Variants in AHSA1 observed in about 807,000 individuals in gnomAD.
AHSA1 encodes the protein activator of 90 kDa heat shock protein ATPase homolog 1.
A neutral mutation model predicts 46.1 loss-of-function variants in AHSA1; 14 were observed. The observed-to-expected ratio is 0.30, with a 90% CI of 0.20 to 0.47. The LOEUF is 0.47. Among genes scored for constraint, AHSA1 ranks in the 20% least tolerant of loss-of-function variants. The probability of loss-of-function intolerance (pLI) is 0.99; values close to 1 mark genes in which losing one functional copy is unlikely to be tolerated. For synonymous variants in AHSA1, 147 were observed against 145.8 expected, an observed-to-expected ratio of 1.01 and a Z score of -0.06; for missense variants, 333 against 415.9, an observed-to-expected ratio of 0.80 and a Z score of 1.73.
intron 8 of AHSA1, 195 bp downstream of exon 8, chr14:77,468,703 C>T (rs1167547753): frequency 2.8e-5 from 14 of 502,938 alleles, no homozygotes; most frequent in Non-Finnish European, 4.2e-5. Context: ...GCTGAGACTA[C>T]GTGTGCCACC....
At position 77,468,175 on chromosome 14, in the gene AHSA1, T is replaced by C. The variant is rs1404061928; in HGVS notation, c.783T>C (p.Phe261=). 6.4e-7 allele frequency: 1 copy of C among 1,557,526 alleles called. No individual in the cohort carries two copies. Among genetic ancestry groups the C allele is most frequent in the Admixed American group, 1.9e-5 (1 of 51,622 alleles). Residue 261 remains phenylalanine (F), a synonymous_variant, in exon 7 of 9, where the codon TTT becomes TTC. Transcript: ENST00000216479. ...TAGATGGCAACGTCTCTGGGGAATT[T>C]ACTGATCTGGTGAGTACCTGCCGGC... ...HMVDGNVSGE[F]TDLVPEKHIV... is the part of the protein sequence containing the mutation.
At chr14:77,467,108 T>A (rs12433521) in intron 6 of AHSA1, among the ~76,000 whole-genome samples, 1 of 152,084 alleles carries the variant, frequency 6.6e-6, no homozygotes, top group Non-Finnish European at 1.5e-5. Flanking sequence ...ATTTCATATA[T>A]ATGGAGTAGG....
rs773468814 is a variant in AHSA1, at chr14:77,458,295, C to A, written c.80+26C>A. 3.2e-6 allele frequency: 5 copies of A among 1,539,232 alleles called. No homozygotes were observed. In the East Asian group the frequency reaches 1.3e-4, roughly 39 times the overall value. ...GTGAGGGCCAGAAAAGCAGGCCGGC[C>A]TTGGGAGACCTGCGGCCGGGCCAGG... On this transcript the variant is annotated intron_variant, in intron 1 of 8. Coordinates refer to ENST00000216479, the MANE Select transcript of AHSA1 (RefSeq NM_012111.3).
chr14:77,464,769 T>G, intron 5 of AHSA1, 83 bp downstream of exon 5: 1 of 1,265,954 alleles, frequency 7.9e-7, no homozygotes, highest in South Asian at 1.4e-5. Context: ...CAGCTCTCTG[T>G]GTCCCTAACC....
chr14:77,464,715 GTC>G, intron 5 of AHSA1, 29 bp downstream of exon 5: 6 of 1,593,508 alleles, frequency 3.8e-6, no homozygotes, highest in Non-Finnish European at 5.1e-6. Flanking sequence ...GTGGGAGACT[GTC>G]TGCAAAGGAA....
chr14:77,464,574 T>G, intron 4 of AHSA1, 24 bp from the exon 5 acceptor site: 769 of 1,591,106 alleles, frequency 4.8e-4, no homozygotes, highest in Non-Finnish European at 5.9e-4. Context: ...GTAACTTCCA[T>G]GAGCTGGAAT....
chr14:77,460,389 G>A (rs961338536), intron 2 of AHSA1, among the ~76,000 whole-genome samples: 1 of 151,380 alleles, frequency 6.6e-6, no homozygotes, highest in African/African-American at 2.4e-5. Flanking sequence ...GATAGCTACT[G>A]TCTGTGTATG....
chr14:77,462,360 G>C lies in AHSA1; in HGVS notation c.354+118G>C. On this transcript the variant is annotated intron_variant, in intron 3 of 8. Transcript: ENST00000216479. ...CTTGGTCCAAGCATTCAGAACCCTAGCCTGCAGATAATTTTCTAGGCATAT... is the reference window on the plus strand; with the variant it reads ...CTTGGTCCAAGCATTCAGAACCCTACCCTGCAGATAATTTTCTAGGCATAT... 3 of 1,002,324 alleles carry C rather than the reference G, an allele frequency of 3.0e-6. No homozygotes were observed. The South Asian group carries it at 4.7e-5, about 16-fold the overall frequency. 62.1% of individuals were successfully genotyped at this position (1,002,324 alleles called of 1,614,324 possible). A position where few individuals can be genotyped will look rare whatever the true frequency, so the allele number is the denominator to read the frequency against.
In AHSA1 at chr14:77,469,356, C is replaced by T. The variant is rs989454867; in HGVS notation, c.*107C>T. The T allele has an allele frequency of 3.5e-6, 5 of 1,423,640 alleles. No individual in the cohort carries two copies. Among genetic ancestry groups the T allele is most frequent in the Admixed American group, 4.4e-5 (2 of 45,108 alleles). 88.2% of individuals were successfully genotyped at this position (1,423,640 alleles called of 1,614,324 possible). On this transcript the variant is annotated 3_prime_UTR_variant, in exon 9 of 9. Coordinates refer to ENST00000216479, the MANE Select transcript of AHSA1 (RefSeq NM_012111.3). ...ATCGTCCCAGCTGCTAACTTGGGGC[C>T]GGGGCCCCTCCCTTCCACATATACC...
chr14:77,468,848 C>A (rs1267957329), intron 8 of AHSA1: 2 of 629,016 alleles, frequency 3.2e-6, no homozygotes, highest in East Asian at 5.6e-5. Flanking sequence ...TCCCAAAGTG[C>A]TGGGATTACA....
Position 77,462,254 on chromosome 14 carries a change from A to T in AHSA1, c.354+12A>T. ...TGGATGAAGTGGAGGTTTGTGCTTCATAACTCCTAATCCGAGTCCTCTATA... is the reference window on the plus strand; with the variant it reads ...TGGATGAAGTGGAGGTTTGTGCTTCTTAACTCCTAATCCGAGTCCTCTATA... On this transcript the variant is annotated intron_variant, in intron 3 of 8. Transcript: ENST00000216479. 2.5e-6 allele frequency: 4 copies of T among 1,607,640 alleles called. No individual in the cohort carries two copies. Among genetic ancestry groups the T allele is most frequent in the Non-Finnish European group, 3.4e-6 (4 of 1,174,032 alleles).
intron 2 of AHSA1, among the ~76,000 whole-genome samples, chr14:77,461,362 C>T (rs991468168): frequency 6.6e-6 from 1 of 152,072 alleles, no homozygotes; most frequent in Non-Finnish European, 1.5e-5. Flanking sequence ...AACCCCATCT[C>T]TACTAAAAAA....
chr14:77,464,880 CGCAGACCTTTAGA>C (rs2079041360), intron 5 of AHSA1, among the ~76,000 whole-genome samples, 194 bp downstream of exon 5: 1 of 152,122 alleles, frequency 6.6e-6, no homozygotes, highest in South Asian at 2.1e-4. Context: ...ATTCATTTAT[CGCAGACCTTTAGA>C]GCAAGTAGGA....
At position 77,459,665 on chromosome 14, in the gene AHSA1, T is replaced by C. The variant is rs1021879099; in HGVS notation, c.130T>C (p.Phe44Leu). 6.2e-7 allele frequency: 1 copy of C among 1,614,118 alleles called. No homozygotes were observed. The highest frequency in any genetic ancestry group is 1.3e-5 in the African/African-American group (1 of 74,940). The stretch of plus-strand genomic sequence containing the variant: ...GTCCACGGATAAGCTGAAAACACTG[T>C]TCCTGGCAGTGCAGGTTCAAAATGA... The part of the protein sequence containing the change: ...NWSTDKLKTL[F>L]LAVQVQNEEG... The change falls in exon 2 of 9, where the codon TTC becomes CTC. Residue 44 changes from phenylalanine (F) to leucine (L), a missense_variant. Physicochemically the swap from Phe to Leu is conservative, Grantham distance 22. Coordinates refer to ENST00000216479, the MANE Select transcript of AHSA1 (RefSeq NM_012111.3).
At chr14:77,458,793 G>T (rs1231180765) in intron 1 of AHSA1, among the ~76,000 whole-genome samples, 2 of 152,234 alleles carry the variant, frequency 1.3e-5, no homozygotes, top group Non-Finnish European at 2.9e-5. Flanking sequence ...GGAACTATCA[G>T]GTCGGGTGTG....
chr14:77,462,911 G>A lies in AHSA1; in HGVS notation c.472+152G>A, dbSNP rs994844918. 5 of 646,456 alleles carry A rather than the reference G, an allele frequency of 7.7e-6. No homozygotes were observed. In the African/African-American group the frequency reaches 9.1e-5, roughly 12 times the overall value. 40.0% of individuals were successfully genotyped at this position (646,456 alleles called of 1,614,324 possible). On this transcript the variant is annotated intron_variant, in intron 4 of 8. Coordinates refer to ENST00000216479, the MANE Select transcript of AHSA1 (RefSeq NM_012111.3). ...CTTAAAGTCAGTCCATAAGCTCGGAGTAAGGGAAAGATCTGGAGCTGTGTT... is the reference window on the plus strand; with the variant it reads ...CTTAAAGTCAGTCCATAAGCTCGGAATAAGGGAAAGATCTGGAGCTGTGTT...
At position 77,462,049 on chromosome 14, in the gene AHSA1, G is replaced by A. The variant is rs1057356667; in HGVS notation, c.272-111G>A. ...GCATGTGGCATTCTCAGAATAAAGAGGATCAGTTCAGCCATCCAAAAGCAG... is the reference window on the plus strand; with the variant it reads ...GCATGTGGCATTCTCAGAATAAAGAAGATCAGTTCAGCCATCCAAAAGCAG... On this transcript the variant is annotated intron_variant, in intron 2 of 8. Coordinates refer to ENST00000216479, the MANE Select transcript of AHSA1 (RefSeq NM_012111.3). 6.6e-5 allele frequency: 47 copies of A among 710,576 alleles called. No individual in the cohort carries two copies. In the South Asian group the frequency reaches 6.8e-4, roughly 10 times the overall value. The allele number at this position is 710,576 out of a possible 1,614,324, so 44.0% of individuals were successfully genotyped here. A position where few individuals can be genotyped will look rare whatever the true frequency, so the allele number is the denominator to read the frequency against.
At chr14:77,460,037 GC>G (rs1476050367) in intron 2 of AHSA1, 1 of 547,710 alleles carries the variant, frequency 1.8e-6, no homozygotes, top group Non-Finnish European at 3.3e-6. Context: ...AAGTGGCCGG[GC>G]CACTGCATCT....
At chr14:77,460,741 A>G (rs1474338327) in intron 2 of AHSA1, among the ~76,000 whole-genome samples, 3 of 150,928 alleles carry the variant, frequency 2.0e-5, no homozygotes, top group East Asian at 3.9e-4. Flanking sequence ...TTGTATTTTT[A>G]TTAGAGATGG....
Sources: gnomAD v4.1 joint callset for allele counts (sites outside exome capture counted in the v4.1 genomes callset) on GRCh38, gnomAD v4.1.1 for gene constraint, MANE v1.5 for transcripts, NCBI Gene and HGNC (gene_info 2026-07-23, HGNC 2026-07-21) for gene names.